Variants in LOC400499 observed in about 807,000 individuals in gnomAD.
At chr16:11,487,026 T>G in the LOC400499 span, among the ~76,000 whole-genome samples, 2 of 151,646 alleles carry the variant, frequency 1.3e-5, no homozygotes, top group Non-Finnish European at 2.9e-5. Flanking sequence ...GATGGACAGA[T>G]GAGCAGGTCA....
At chr16:11,504,561 C>G in the LOC400499 span, among the ~76,000 whole-genome samples, 5,330 of 150,356 alleles carry the variant, frequency 0.035, 130 homozygotes, top group Non-Finnish European at 0.051. Flanking sequence ...GTCCCCCCCC[C>G]CAAAAAAAAG....
the LOC400499 span, among the ~76,000 whole-genome samples, chr16:11,403,002 G>A: frequency 6.6e-6 from 1 of 151,966 alleles, no homozygotes; most frequent in South Asian, 2.1e-4. Context: ...CCATAGCTGA[G>A]TCCTCGCAAC....
At chr16:11,385,277 GC>G in the LOC400499 span, 2 of 1,232,318 alleles carry the variant, frequency 1.6e-6, no homozygotes, top group Non-Finnish European at 2.0e-6. Context: ...TGAGCCCCGA[GC>G]CTGTCCGACT....
At chr16:11,450,694 AG>A in the LOC400499 span, 1 of 1,536,174 alleles carries the variant, frequency 6.5e-7, no homozygotes, top group Non-Finnish European at 8.7e-7. Context: ...GCTGACCACC[AG>A]GTCCTTTAGG....
the LOC400499 span, chr16:11,494,738 G>C: frequency 7.5e-6 from 3 of 399,080 alleles, no homozygotes; most frequent in Non-Finnish European, 1.3e-5. Context: ...GCCAGGGCTG[G>C]CCCTCGGGGT....
At chr16:11,502,223 G>C in the LOC400499 span, 1 of 398,730 alleles carries the variant, frequency 2.5e-6, no homozygotes, top group African/African-American at 2.1e-5. Flanking sequence ...AGCAGTGCGG[G>C]GGATCCCCGA....
the LOC400499 span, among the ~76,000 whole-genome samples, chr16:11,507,164 G>T: frequency 6.6e-6 from 1 of 152,182 alleles, no homozygotes; most frequent in African/African-American, 2.4e-5. Context: ...AGAATGCAGT[G>T]CTGTCTTCCC....
At chr16:11,475,761 T>A in the LOC400499 span, 6 of 398,046 alleles carry the variant, frequency 1.5e-5, no homozygotes, top group Non-Finnish European at 2.7e-5. Context: ...TTTTCATTCA[T>A]TCATTAGACA....
At chr16:11,487,183 A>T in the LOC400499 span, 1 of 398,600 alleles carries the variant, frequency 2.5e-6, no homozygotes, top group Non-Finnish European at 4.4e-6. Context: ...GGATGGACAG[A>T]CAGGTAAGTG....
At chr16:11,414,093 C>T in the LOC400499 span, among the ~76,000 whole-genome samples, 53 of 152,276 alleles carry the variant, frequency 3.5e-4, no homozygotes, top group African/African-American at 1.2e-3. Context: ...GGCAGAAGGA[C>T]GCAGGGCAGG....
At chr16:11,374,733 G>T in the LOC400499 span, among the ~76,000 whole-genome samples, 1 of 152,300 alleles carries the variant, frequency 6.6e-6, no homozygotes, top group East Asian at 1.9e-4. Flanking sequence ...GGACACTTGG[G>T]TTGCTGCTGT....
the LOC400499 span, chr16:11,390,033 G>T: frequency 9.8e-7 from 1 of 1,018,726 alleles, no homozygotes; most frequent in Non-Finnish European, 1.3e-6. Context: ...GTCGGAAGGT[G>T]TCAAAGCATT....
the LOC400499 span, chr16:11,514,646 C>A: frequency 2.0e-5 from 8 of 398,028 alleles, no homozygotes; most frequent in Non-Finnish European, 3.5e-5. Flanking sequence ...GAGCTGTAGA[C>A]CCCCCATTCC....
At chr16:11,448,209 G>T in the LOC400499 span, 2 of 1,148,862 alleles carry the variant, frequency 1.7e-6, no homozygotes, top group Non-Finnish European at 1.2e-6. Context: ...AATGGCTACT[G>T]AACTGAGCCA....
At chr16:11,482,082 C>G in the LOC400499 span, among the ~76,000 whole-genome samples, 1 of 152,226 alleles carries the variant, frequency 6.6e-6, no homozygotes, top group South Asian at 2.1e-4. Context: ...GTAATGAAGA[C>G]TGGGTTTAAC....
the LOC400499 span, chr16:11,502,026 G>A: frequency 0.04 from 15,908 of 398,700 alleles, 1,451 homozygotes; most frequent in African/African-American, 0.23. Flanking sequence ...TTAACCCAGG[G>A]ATGCCCCCAG....
the LOC400499 span, chr16:11,384,093 C>A: frequency 8.1e-7 from 1 of 1,229,630 alleles, no homozygotes; most frequent in Non-Finnish European, 1.0e-6. Flanking sequence ...AGACTTCCCC[C>A]AAACCCTGGG....
the LOC400499 span, chr16:11,384,793 T>G: frequency 9.0e-7 from 1 of 1,113,938 alleles, no homozygotes; most frequent in Non-Finnish European, 1.1e-6. Flanking sequence ...AGGCTCTGCA[T>G]GCACGGTAGC....
At chr16:11,441,096 G>A in the LOC400499 span, 3 of 398,986 alleles carry the variant, frequency 7.5e-6, no homozygotes, top group Non-Finnish European at 1.3e-5. Flanking sequence ...TGAGAACCAG[G>A]GGCACTGAGA....
Sources: allele counts gnomAD v4.1 joint callset (sites outside exome capture counted in the v4.1 genomes callset), GRCh38; gene constraint gnomAD v4.1.1; transcripts MANE v1.5.